The following FGFR4 variants were observed in gnomAD, a reference collection of about 807,000 sequenced individuals.
The protein encoded by FGFR4 is hydroxyaryl-protein kinase.
In FGFR4, 63 loss-of-function variants were observed where a neutral mutation model predicts 89.9. That is an observed-to-expected ratio of 0.70 (90% CI 0.57 to 0.86). The LOEUF (loss-of-function observed/expected upper bound fraction) is 0.86, where lower values mean the gene tolerates loss of function less well. FGFR4 is among the 40% of genes least tolerant of loss of function. The pLI is 0.00. For missense variants in FGFR4, 928 were observed against 1,106.7 expected (o/e 0.84, Z 2.29); for synonymous variants, 486 against 479.4 (o/e 1.01, Z -0.18).
At position 177,087,740 on chromosome 5, in the gene FGFR4, G is replaced by C. The variant is rs1445769922; in HGVS notation, c.-54+663G>C. 3 of 695,630 alleles carry C rather than the reference G, an allele frequency of 4.3e-6. No homozygotes were observed. In the African/African-American group the frequency reaches 5.8e-5, roughly 13 times the overall value. The allele number at this position is 695,630 out of a possible 1,614,324, so 43.1% of individuals were successfully genotyped here. On this transcript the variant is annotated intron_variant, in intron 1 of 17. Coordinates refer to ENST00000292408, the MANE Select transcript of FGFR4 (RefSeq NM_213647.3). This position sits in a 1 kb window ranked among gnomAD's most constrained non-coding sequence, Gnocchi z 6.1. Reference sequence around the variant, plus strand: ...CGAGCTTGGTAGGGAGTTTTACCAAGGAGGATCCGACTGGATTCGAGAGTT... The same window carrying C: ...CGAGCTTGGTAGGGAGTTTTACCAACGAGGATCCGACTGGATTCGAGAGTT...
In FGFR4 at chr5:177,094,409, T is replaced by A. The variant is rs45489096; in HGVS notation, c.1519+634T>A. Among the ~76,000 whole-genome samples the A allele has an allele frequency of 3.7e-3, 565 of 152,244 alleles. 2 individuals carry two copies. The highest frequency in any genetic ancestry group is 0.013 in the African/African-American group (547 of 41,546). On this transcript the variant is annotated intron_variant, in intron 11 of 17. Coordinates refer to ENST00000292408, the MANE Select transcript of FGFR4 (RefSeq NM_213647.3). ...GAAGAATTTGGTGTGACAGGCTTGA[T>A]ATCCTGTGTCAGCATTAGTCTGTGT...
Position 177,093,050 on chromosome 5 carries a change from C to A in FGFR4, c.1058-88C>A. The A allele has an allele frequency of 6.5e-7, 1 of 1,540,994 alleles. No homozygotes were observed. The highest frequency in any genetic ancestry group is 8.9e-7 in the Non-Finnish European group (1 of 1,118,194). On this transcript the variant is annotated intron_variant, in intron 8 of 17. Coordinates refer to ENST00000292408, the MANE Select transcript of FGFR4 (RefSeq NM_213647.3). This position sits in a 1 kb window ranked among gnomAD's most constrained non-coding sequence, Gnocchi z 5.8. ...TGTGTGTCCCCACATATGTTGGGAG[C>A]TGGGAGGGACTGAGTTAGGGTGCAC...
intron 5 of FGFR4, 51 bp from the exon 6 acceptor site, chr5:177,091,633 GC>G: frequency 6.2e-7 from 1 of 1,605,260 alleles, no homozygotes. Context: ...TGGTCCTCTG[GC>G]CCCCTTGGTG....
rs368337646 is a variant in FGFR4, at chr5:177,094,932, C to A, written c.1520-398C>A. 21 of 193,200 alleles carry A rather than the reference C, an allele frequency of 1.1e-4. No homozygotes were observed. The East Asian group carries it at 1.3e-3, about 12-fold the overall frequency. The allele number at this position is 193,200 out of a possible 1,614,324, so 12.0% of individuals were successfully genotyped here. A position where few individuals can be genotyped will look rare whatever the true frequency, so the allele number is the denominator to read the frequency against. On this transcript the variant is annotated intron_variant, in intron 11 of 17. Transcript: ENST00000292408. ...CCCTGGTCAAACAGACCCCAGGGCGCCAGCCTGCTTTCCGCACCCAGAAGC... is the reference window on the plus strand; with the variant it reads ...CCCTGGTCAAACAGACCCCAGGGCGACAGCCTGCTTTCCGCACCCAGAAGC...
In FGFR4 at chr5:177,097,741, C is replaced by A; in HGVS notation, c.*65C>A. The A allele has an allele frequency of 6.4e-7, 1 of 1,569,760 alleles. No individual in the cohort carries two copies. The highest frequency in any genetic ancestry group is 8.6e-7 in the Non-Finnish European group (1 of 1,157,318). On this transcript the variant is annotated 3_prime_UTR_variant, in exon 18 of 18. Transcript: ENST00000292408. Reference sequence around the variant, plus strand: ...TTGGGCCTTGGGGCTCAGCCACAGCCTGACACAGTGCTCGACCTTGATAGC... The same window carrying A: ...TTGGGCCTTGGGGCTCAGCCACAGCATGACACAGTGCTCGACCTTGATAGC...
intron 16 of FGFR4, 33 bp from the exon 17 acceptor site, chr5:177,097,259 G>A: frequency 6.5e-7 from 1 of 1,538,242 alleles, no homozygotes; most frequent in Non-Finnish European, 8.8e-7. Flanking sequence ...AAGGCCTGAG[G>A]CTCCCTGTGA....
chr5:177,090,925 C>T lies in FGFR4; in HGVS notation c.437-13C>T, dbSNP rs1486002268. On this transcript the variant is annotated splice_polypyrimidine_tract_variant and intron_variant, in intron 4 of 17. Transcript: ENST00000292408. ...ACACACGGTCATTCTAGGGGCCTTC[C>T]CCTGCCCTCCAGCACCCTACTGGAC... is the stretch of plus-strand genomic sequence containing the variant. 1 of 1,614,032 alleles carries T rather than the reference C, an allele frequency of 6.2e-7. No individual in the cohort carries two copies. Among genetic ancestry groups the T allele is most frequent in the Non-Finnish European group, 8.5e-7 (1 of 1,180,020 alleles).
Position 177,092,705 on chromosome 5 carries a change from G to C in FGFR4, c.978G>C (p.Glu326Asp), listed in dbSNP as rs753484340. ...TGTACCTGCGGAACGTGTCAGCCGA[G>C]GACGCAGGCGAGTACACCTGCCTCG... ...EVLYLRNVSA[E>D]DAGEYTCLAG... Residue 326 changes from glutamate to aspartate, a missense_variant, in exon 8 of 18, where the codon GAG becomes GAC. Physicochemically the swap from Glu to Asp is conservative, Grantham distance 45. Transcript: ENST00000292408. 1 of 1,614,030 alleles carries C rather than the reference G, an allele frequency of 6.2e-7. No individual in the cohort carries two copies. The highest frequency in any genetic ancestry group is 8.5e-7 in the Non-Finnish European group (1 of 1,179,950).
At chr5:177,090,135 C>CATGT (rs1554162992) in intron 2 of FGFR4, 86 of 651,426 alleles carry the variant, frequency 1.3e-4, no homozygotes, top group South Asian at 5.8e-4. Flanking sequence ...TGTGTGTATG[C>CATGT]GTGTGTGTGT....
intron 16 of FGFR4, 130 bp downstream of exon 16, chr5:177,096,871 C>CCTCTTCCTCCTCCTT: frequency 8.1e-6 from 8 of 983,434 alleles, no homozygotes; most frequent in Non-Finnish European, 1.5e-6. Flanking sequence ...TCCTCCTCTT[C>CCTCTTCCTCCTCCTT]CTCTTCCTCC....
rs1260430868 is a variant in FGFR4, at chr5:177,097,532, C to T, written c.2265C>T (p.Leu755=). 6.2e-6 allele frequency: 10 copies of T among 1,613,146 alleles called. No homozygotes were observed. The highest frequency in any genetic ancestry group is 1.1e-5 in the South Asian group (1 of 90,908). Residue 755 remains leucine, a synonymous_variant, in exon 18 of 18, where the codon CTC becomes CTT. Transcript: ENST00000292408. ...ACCAGCTCCGTTCCCCACAGTACCT[C>T]GACCTCCGCCTGACCTTCGGACCCT... ...KVLLAVSEEY[L]DLRLTFGPYS...
rs1302645823 is a variant in FGFR4, at chr5:177,087,994, G to T, written c.-54+917G>T. Reference sequence around the variant, plus strand: ...TAGCCATTAAGGGCTTGCAAGCTGGGGGGCATGACATGGCAGACTTGCAGG... The same window carrying T: ...TAGCCATTAAGGGCTTGCAAGCTGGTGGGCATGACATGGCAGACTTGCAGG... On this transcript the variant is annotated intron_variant, in intron 1 of 17. Transcript: ENST00000292408. The surrounding 1 kb of genome is among the most constrained non-coding windows in gnomAD (Gnocchi z 6.1). 6.6e-6 allele frequency among the ~76,000 whole-genome samples: 1 copy of T among 152,112 alleles called. No individual in the cohort carries two copies. The highest frequency in any genetic ancestry group is 1.5e-5 in the Non-Finnish European group (1 of 68,024).
rs775590700 is a variant in FGFR4, at chr5:177,091,024, G to A, written c.523G>A (p.Ala175Thr). The change falls in exon 5 of 18, where the codon GCA (alanine) becomes ACA (threonine). Residue 175 changes from alanine to threonine, a missense_variant. Ala to Thr is a moderately conservative substitution (Grantham distance 58). Coordinates refer to ENST00000292408, the MANE Select transcript of FGFR4 (RefSeq NM_213647.3). ...GNTVKFRCPAAGNPTPTIRWL... is the reference protein window; with the variant it reads ...GNTVKFRCPATGNPTPTIRWL... ...CACCGTCAAGTTCCGCTGTCCAGCT[G>A]CAGGCAACCCCACGCCCACCATCCG... is the stretch of plus-strand genomic sequence containing the variant. 1.1e-5 allele frequency: 17 copies of A among 1,612,976 alleles called. No homozygotes were observed. In the Admixed American group the frequency reaches 2.8e-4, roughly 27 times the overall value.
At chr5:177,096,854 G>GTCCTCCTCCTCCTCT (rs1562077336) in intron 16 of FGFR4, 113 bp downstream of exon 16, 2 of 1,081,896 alleles carry the variant, frequency 1.8e-6, no homozygotes, top group Non-Finnish European at 2.5e-6. Flanking sequence ...ACAACTCCTC[G>GTCCTCCTCCTCCTCT]TCCTCCTCCT....
In FGFR4 at chr5:177,093,832, GA is replaced by G; in HGVS notation, c.1519+58del. 1 of 1,556,016 alleles carries G rather than the reference GA, an allele frequency of 6.4e-7. No individual in the cohort carries two copies. The highest frequency in any genetic ancestry group is 8.7e-7 in the Non-Finnish European group (1 of 1,143,272). The stretch of plus-strand genomic sequence containing the variant: ...TGTAACGCCAGCACTTTAGGAGGCT[GA>G]GGGTGGGAGGATCGCTTGAATCCAG... On this transcript the variant is annotated intron_variant, in intron 11 of 17. Transcript: ENST00000292408. This position sits in a 1 kb window ranked among gnomAD's most constrained non-coding sequence, Gnocchi z 5.8.
chr5:177,096,552 C>T (rs1208153626), intron 15 of FGFR4, 52 bp from the exon 16 acceptor site: 5 of 1,603,436 alleles, frequency 3.1e-6, no homozygotes, highest in African/African-American at 1.3e-5. Flanking sequence ...CCGTCCTAGC[C>T]CCGGTCGTCG....
In FGFR4 at chr5:177,096,737, G is replaced by A. The variant is rs1400966919; in HGVS notation, c.2149G>A (p.Glu717Lys). 1.1e-5 allele frequency: 17 copies of A among 1,575,286 alleles called. No individual in the cohort carries two copies. Among genetic ancestry groups the A allele is most frequent in the Non-Finnish European group, 1.4e-5 (16 of 1,160,456 alleles). The stretch of plus-strand genomic sequence containing the variant: ...GGACCGACCCCCACACTGCCCCCCA[G>A]AGCTGTGAGGCCTCACCCTGCCCTC... ...RMDRPPHCPP[E>K]LYGLMRECWH... Residue 717 changes from glutamate to lysine, a missense_variant, in exon 16 of 18, where the codon GAG becomes AAG. Around this residue, in one of 5 missense-constraint regions of FGFR4, gnomAD observed 129 missense variants for 150.8 expected, o/e 0.86. Transcript: ENST00000292408.
intron 16 of FGFR4, 128 bp downstream of exon 16, chr5:177,096,869 T>TTCCTCTTCCTCTTCCTCCTCC: frequency 1.9e-6 from 1 of 517,268 alleles, no homozygotes; most frequent in East Asian, 5.5e-5. Context: ...CCTCCTCCTC[T>TTCCTCTTCCTCTTCCTCCTCC]TCCTCTTCCT....
rs1416061603 is a variant in FGFR4 at position 177,096,917 on chromosome 5, TTCC to T, written c.2153+188_2153+190del. Among the ~76,000 whole-genome samples the T allele has an allele frequency of 1.3e-3, 24 of 18,400 alleles. 3 individuals are homozygous for T. Among genetic ancestry groups the T allele is most frequent in the Non-Finnish European group, 2.0e-3 (18 of 9,142 alleles). 12.1% of individuals were successfully genotyped at this position (18,400 alleles called of 152,430 possible). A position where few individuals can be genotyped will look rare whatever the true frequency, so the allele number is the denominator to read the frequency against. On this transcript the variant is annotated intron_variant, in intron 16 of 17. Transcript: ENST00000292408. ...CCTCCTCCTCCTCTTCCTCCTCCTC[TTCC>T]TCCTCCTCCTCTTCCTCCTCCTCCT...
Sources: allele counts gnomAD v4.1 joint callset (sites outside exome capture counted in the v4.1 genomes callset), GRCh38; gene constraint gnomAD v4.1.1; regional missense constraint gnomAD v4.1.1; non-coding constraint Gnocchi (gnomAD v3.1); transcripts MANE v1.5; gene names NCBI Gene and HGNC (gene_info 2026-07-23, HGNC 2026-07-21).